MCF2L: variants seen among roughly 807,000 people sequenced by gnomAD.
The protein encoded by MCF2L is guanine nucleotide exchange factor DBS.
A neutral mutation model predicts 153.4 loss-of-function variants in MCF2L; 97 were observed. The ratio of observed to expected loss-of-function variants is 0.63; its 90% CI spans 0.54 to 0.75. MCF2L has a LOEUF of 0.75. Among genes scored for constraint, MCF2L ranks in the 30% least tolerant of loss-of-function variants. MCF2L has a pLI of 0.00. For missense variants in MCF2L, 1,347 were observed against 1,495.2 expected, an observed-to-expected ratio of 0.90 and a Z score of 1.64; for synonymous variants, 659 against 632.2, an observed-to-expected ratio of 1.04 and a Z score of -0.64.
At chr13:113,044,297 G>A in intron 3 of MCF2L, 1 of 319,134 alleles carries the variant, frequency 3.1e-6, no homozygotes, top group Non-Finnish European at 6.2e-6. Flanking sequence ...ACGTTCGGGG[G>A]TCACTGCCTC....
chr13:112,901,869 T>A (rs975786004), intron 1 of MCF2L, among the ~76,000 whole-genome samples: 4 of 152,248 alleles, frequency 2.6e-5, no homozygotes, highest in Non-Finnish European at 5.9e-5. Flanking sequence ...GGGACGTCTA[T>A]GTCTTTGAAA....
intron 27 of MCF2L, chr13:113,094,884 C>T (rs2035520397): frequency 1.7e-6 from 2 of 1,174,692 alleles, no homozygotes; most frequent in African/African-American, 1.5e-5. Flanking sequence ...GAAGGTCCAC[C>T]TGGGCCTGGG....
chr13:112,987,477 CAG>C (rs753853793), intron 1 of MCF2L, among the ~76,000 whole-genome samples: 92 of 152,250 alleles, frequency 6.0e-4, no homozygotes, highest in Non-Finnish European at 1.2e-3. Flanking sequence ...GCAGGGGAAG[CAG>C]AGTTGGCCTT....
In MCF2L at chr13:113,031,084, C is replaced by CAGACAG. The variant is rs1178067354; in HGVS notation, c.278+6342_278+6347dup. On this transcript the variant is annotated intron_variant, in intron 3 of 29. Coordinates refer to ENST00000535094, the MANE Select transcript of MCF2L (RefSeq NM_001112732.3). This position sits in a 1 kb window ranked among gnomAD's most constrained non-coding sequence, Gnocchi z 5.5. ...ACAGAGAGACAGAGACAGACAGATACAGACAGAGACAGAGACAGAGAGAGA... is the reference window on the plus strand; with the variant it reads ...ACAGAGAGACAGAGACAGACAGATACAGACAGAGACAGAGACAGAGACAGAGAGAGA... Among the ~76,000 whole-genome samples the CAGACAG allele has an allele frequency of 8.6e-6, 1 of 115,896 alleles. No homozygotes were observed. Among genetic ancestry groups the CAGACAG allele is most frequent in the African/African-American group, 3.7e-5 (1 of 27,118 alleles). 76.0% of individuals were successfully genotyped at this position (115,896 alleles called of 152,430 possible).
chr13:113,045,200 T>A lies in MCF2L; in HGVS notation c.279-71T>A. ...GGGGGATCGCTCTCCCAAGAGGTTT[T>A]CTGAGGGATTTCGTGGGCAGCCGGC... On this transcript the variant is annotated intron_variant, in intron 3 of 29. Coordinates refer to ENST00000535094, the MANE Select transcript of MCF2L (RefSeq NM_001112732.3). This position sits in a 1 kb window ranked among gnomAD's most constrained non-coding sequence, Gnocchi z 4.2. The A allele has an allele frequency of 8.0e-7, 1 of 1,244,910 alleles. No individual in the cohort carries two copies. Among genetic ancestry groups the A allele is most frequent in the Non-Finnish European group, 1.2e-6 (1 of 843,932 alleles). The allele number at this position is 1,244,910 out of a possible 1,614,324, so 77.1% of individuals were successfully genotyped here.
chr13:113,045,136 G>A lies in MCF2L; in HGVS notation c.279-135G>A. The A allele has an allele frequency of 1.1e-6, 1 of 924,380 alleles. No individual in the cohort carries two copies. Among genetic ancestry groups the A allele is most frequent in the Non-Finnish European group, 1.7e-6 (1 of 577,368 alleles). The allele number at this position is 924,380 out of a possible 1,614,324, so 57.3% of individuals were successfully genotyped here. A position where few individuals can be genotyped will look rare whatever the true frequency, so the allele number is the denominator to read the frequency against. On this transcript the variant is annotated intron_variant, in intron 3 of 29. Transcript: ENST00000535094. This position sits in a 1 kb window ranked among gnomAD's most constrained non-coding sequence, Gnocchi z 4.2. ...GGCTGCCGGGGCCCCCGTGTGCCAT[G>A]CCTCTCACCTGGTATTGCAGAAATG...
chr13:113,063,465 G>T (rs140214477), intron 5 of MCF2L, among the ~76,000 whole-genome samples: 1 of 148,924 alleles, frequency 6.7e-6, no homozygotes, highest in Non-Finnish European at 1.5e-5. Context: ...CCACACAGCC[G>T]CCCACAGCGT....
At chr13:113,076,412 C>T (rs900680724) in intron 12 of MCF2L, among the ~76,000 whole-genome samples, 4 of 152,034 alleles carry the variant, frequency 2.6e-5, no homozygotes, top group African/African-American at 9.7e-5. Context: ...TTACAGGCGC[C>T]CACCACCAAG....
Position 113,074,034 on chromosome 13 carries a change from C to T in MCF2L, c.997-410C>T, listed in dbSNP as rs2033180761. Among the ~76,000 whole-genome samples the T allele has an allele frequency of 6.6e-6, 1 of 152,212 alleles. No individual in the cohort carries two copies. The highest frequency in any genetic ancestry group is 1.5e-5 in the Non-Finnish European group (1 of 68,030). ...TAGCAAGCTAGAAGGGACTGAGTTA[C>T]ATAACTCTCCACACCTAGGATCCAG... On this transcript the variant is annotated intron_variant, in intron 9 of 29. Transcript: ENST00000535094. The surrounding 1 kb of genome is among the most constrained non-coding windows in gnomAD (Gnocchi z 4.2).
chr13:113,089,606 T>C lies in MCF2L; in HGVS notation c.2835-4T>C. ...TTCCTTTTTGATTTGTCTGATGTCA[T>C]CAGTCCCTCAAGAGGAAACTCAAGG... On this transcript the variant is annotated splice_region_variant and splice_polypyrimidine_tract_variant and intron_variant, in intron 25 of 29. Coordinates refer to ENST00000535094, the MANE Select transcript of MCF2L (RefSeq NM_001112732.3). The C allele has an allele frequency of 2.5e-6, 4 of 1,590,500 alleles. No individual in the cohort carries two copies. Among genetic ancestry groups the C allele is most frequent in the Non-Finnish European group, 3.5e-6 (4 of 1,158,810 alleles).
intron 1 of MCF2L, among the ~76,000 whole-genome samples, chr13:112,982,571 G>A (rs2082475327): frequency 2.6e-5 from 4 of 152,188 alleles, no homozygotes; most frequent in Admixed American, 2.6e-4. Context: ...CGCCACGGAA[G>A]GCTGCTGAGC....
intron 13 of MCF2L, 25 bp downstream of exon 13, chr13:113,077,236 G>A (rs747302204): frequency 1.3e-5 from 20 of 1,513,804 alleles, no homozygotes; most frequent in East Asian, 4.9e-5. Flanking sequence ...CCGGTGCCCC[G>A]GGTGCTGTGG....
At chr13:113,050,048 C>G (rs1453545881) in intron 4 of MCF2L, among the ~76,000 whole-genome samples, 6 of 116,606 alleles carry the variant, frequency 5.1e-5, no homozygotes, top group African/African-American at 1.6e-4. Context: ...CCTCTGAGAA[C>G]TCACGTCTCT....
chr13:112,994,353 T>C (rs369421944), intron 1 of MCF2L, among the ~76,000 whole-genome samples: 3 of 146,880 alleles, frequency 2.0e-5, no homozygotes, highest in African/African-American at 7.6e-5. Context: ...CGGGGGCCAG[T>C]GTGGCTGCCA....
intron 2 of MCF2L, among the ~76,000 whole-genome samples, chr13:112,928,191 C>T (rs1323569954): frequency 3.9e-5 from 6 of 152,174 alleles, no homozygotes; most frequent in Non-Finnish European, 7.3e-5. Flanking sequence ...GGTGGGCAGC[C>T]GTTGCTGGGG....
At chr13:112,991,389 T>A (rs542860621) in intron 1 of MCF2L, among the ~76,000 whole-genome samples, 75 of 151,636 alleles carry the variant, frequency 4.9e-4, no homozygotes, top group African/African-American at 1.7e-3. Context: ...AGGACCTGAT[T>A]CGCTGTGTTT....
At position 112,985,855 on chromosome 13, in the gene MCF2L, C is replaced by T. The variant is rs544675548; in HGVS notation, c.79+16397C>T. 1.6e-4 allele frequency among the ~76,000 whole-genome samples: 25 copies of T among 152,314 alleles called. No individual in the cohort carries two copies. In the South Asian group the frequency reaches 4.8e-3, roughly 29 times the overall value. Reference sequence around the variant, plus strand: ...TGCAGGTGCAGGACAGAGACAAGGCCGTGACCGAACACTTTGCTGGTCCCC... The same window carrying T: ...TGCAGGTGCAGGACAGAGACAAGGCTGTGACCGAACACTTTGCTGGTCCCC... On this transcript the variant is annotated intron_variant, in intron 1 of 29. Coordinates refer to ENST00000535094, the MANE Select transcript of MCF2L (RefSeq NM_001112732.3).
chr13:112,995,849 C>T (rs1048648569), intron 1 of MCF2L, among the ~76,000 whole-genome samples: 4 of 152,146 alleles, frequency 2.6e-5, no homozygotes, highest in African/African-American at 9.7e-5. Flanking sequence ...CCCGGAAGTC[C>T]GTTCAGTCCT....
At chr13:113,051,404 G>A (rs1227779894) in intron 4 of MCF2L, among the ~76,000 whole-genome samples, 2 of 152,160 alleles carry the variant, frequency 1.3e-5, no homozygotes, top group African/African-American at 2.4e-5. Flanking sequence ...GAGGCAGCCC[G>A]TGAGGCTTCC....
Sources: gnomAD v4.1 joint callset for allele counts (sites outside exome capture counted in the v4.1 genomes callset) on GRCh38, gnomAD v4.1.1 for gene constraint, Gnocchi (gnomAD v3.1) non-coding constraint, MANE v1.5 for transcripts, NCBI Gene and HGNC (gene_info 2026-07-23, HGNC 2026-07-21) for gene names.